The following DNAH5 variants were observed in gnomAD, a reference collection of about 807,000 sequenced individuals.
DNAH5 encodes dynein axonemal heavy chain 5.
A neutral mutation model predicts 518.2 loss-of-function variants in DNAH5; 372 were observed. The observed-to-expected ratio is 0.72, with a 90% CI of 0.66 to 0.78. DNAH5 has a LOEUF of 0.78. Ranked by LOEUF, DNAH5 falls within the 30% of genes least tolerant of loss-of-function variation. The pLI, the probability that DNAH5 is intolerant of heterozygous loss-of-function variation, is 0.00. For synonymous variants in DNAH5, 2,039 were observed against 2,025.9 expected, an observed-to-expected ratio of 1.01 and a Z score of -0.17; for missense variants, 5,523 against 5,687.0, an observed-to-expected ratio of 0.97 and a Z score of 0.93.
intron 65 of DNAH5, among the ~76,000 whole-genome samples, chr5:13,747,814 G>T (rs1461643882): frequency 2.4e-4 from 36 of 151,898 alleles, no homozygotes; most frequent in African/African-American, 8.0e-4. Context: ...TTGCAAAAAT[G>T]TTCTCCCATT....
In DNAH5 at chr5:13,966,091, T is replaced by C. The variant is rs144238568; in HGVS notation, c.13-34847A>G. Among the ~76,000 whole-genome samples the C allele has an allele frequency of 5.5e-3, 843 of 152,312 alleles. 3 individuals carry two copies. The highest frequency in any genetic ancestry group is 0.019 in the African/African-American group (806 of 41,566). ...AAGTGAGAACATACGATGTTTGGTT[T>C]TCCATTCCTGAGTTACTTCACTCTA... On this transcript the variant is annotated intron_variant, in intron 1 of 78. Transcript: ENST00000681290.
At chr5:13,956,232 T>C (rs1780753262) in intron 1 of DNAH5, among the ~76,000 whole-genome samples, 2 of 152,216 alleles carry the variant, frequency 1.3e-5, no homozygotes, top group South Asian at 4.1e-4. Flanking sequence ...ATCATTTTCA[T>C]ACTAAATAAT....
At chr5:13,845,953 C>G (rs1448213059) in intron 31 of DNAH5, among the ~76,000 whole-genome samples, 2 of 150,138 alleles carry the variant, frequency 1.3e-5, no homozygotes, top group Non-Finnish European at 3.0e-5. Context: ...GCTTCAGCCT[C>G]CGAAGTGGCT....
chr5:13,850,541 A>G (rs1361792473), intron 31 of DNAH5, 111 bp downstream of exon 31: 1 of 841,544 alleles, frequency 1.2e-6, no homozygotes, highest in Non-Finnish European at 2.0e-6. Flanking sequence ...ACAGCTTTAT[A>G]TATAAATTCA....
intron 1 of DNAH5, among the ~76,000 whole-genome samples, chr5:13,963,091 G>A (rs1043388040): frequency 3.3e-5 from 5 of 151,930 alleles, no homozygotes; most frequent in East Asian, 1.9e-4. Context: ...GCTTGGATCC[G>A]CTAGAGCTCC....
chr5:13,741,324 C>T (rs773602483), intron 65 of DNAH5, among the ~76,000 whole-genome samples: 1 of 152,202 alleles, frequency 6.6e-6, no homozygotes, highest in African/African-American at 2.4e-5. Context: ...TGCGGACATT[C>T]GAGGAAAGGA....
At chr5:13,727,995 T>C (rs1310239441) in intron 69 of DNAH5, among the ~76,000 whole-genome samples, 3 of 152,202 alleles carry the variant, frequency 2.0e-5, no homozygotes, top group Non-Finnish European at 4.4e-5. Context: ...AAGTCCGATT[T>C]GCTCCACAAA....
At chr5:13,909,758 T>C (rs1164034517) in intron 12 of DNAH5, among the ~76,000 whole-genome samples, 1 of 150,632 alleles carries the variant, frequency 6.6e-6, no homozygotes, top group Non-Finnish European at 1.5e-5. Flanking sequence ...TATGTGCTTA[T>C]ATTTTCATCA....
chr5:13,971,694 G>A (rs980933688), intron 1 of DNAH5, among the ~76,000 whole-genome samples: 3 of 152,194 alleles, frequency 2.0e-5, no homozygotes, highest in African/African-American at 7.2e-5. Context: ...GAGTGAAGTG[G>A]ATTCTGTGAG....
At chr5:13,858,128 T>C (rs898678387) in intron 30 of DNAH5, among the ~76,000 whole-genome samples, 4 of 152,154 alleles carry the variant, frequency 2.6e-5, no homozygotes, top group African/African-American at 4.8e-5. Context: ...CGTATGTTTA[T>C]TGCAACACTG....
intron 1 of DNAH5, among the ~76,000 whole-genome samples, chr5:13,993,965 A>T (rs1051846564): frequency 1.3e-5 from 2 of 152,202 alleles, no homozygotes; most frequent in Non-Finnish European, 2.9e-5. Context: ...GTGGCTTGTG[A>T]AGACAGCAGA....
At position 13,814,721 on chromosome 5, in the gene DNAH5, T is replaced by C; in HGVS notation, c.7114A>G (p.Asn2372Asp). ...ANGDRIPMAPNCKIIFEPHNI... is the reference protein window; with the variant it reads ...ANGDRIPMAPDCKIIFEPHNI... ...TGAGGCTCGAAAATGATCTTGCAGT[T>C]TGGAGCCATGGGAATCCGATCACCA... The change falls in exon 43 of 79, where the codon AAC becomes GAC. Residue 2372 changes from asparagine to aspartate, a missense_variant. Around this residue, in one of 3 missense-constraint regions of DNAH5, gnomAD observed 5,121 missense variants for 5,223.3 expected, o/e 0.98. Coordinates refer to ENST00000265104, the MANE Select transcript of DNAH5 (RefSeq NM_001369.3). 3 of 1,614,066 alleles carry C rather than the reference T, an allele frequency of 1.9e-6. No homozygotes were observed. Among genetic ancestry groups the C allele is most frequent in the Non-Finnish European group, 2.5e-6 (3 of 1,179,970 alleles).
chr5:13,865,802 C>G lies in DNAH5; in HGVS notation c.4221G>C (p.Lys1407Asn). 6.2e-7 allele frequency: 1 copy of G among 1,613,618 alleles called. No homozygotes were observed. The highest frequency in any genetic ancestry group is 8.5e-7 in the Non-Finnish European group (1 of 1,179,660). Residue 1407 changes from lysine (K) to asparagine (N), a missense_variant, in exon 27 of 79, where the codon AAG becomes AAC. Lys to Asn is a moderately conservative substitution (Grantham distance 94). Around this residue, in one of 3 missense-constraint regions of DNAH5, gnomAD observed 5,121 missense variants for 5,223.3 expected, o/e 0.98. Coordinates refer to ENST00000265104, the MANE Select transcript of DNAH5 (RefSeq NM_001369.3). ...TQYPQLLEIK[K>N]QLNLLQKIYT... ...ATATTTTCTGTAGAAGATTTAGTTG[C>G]TTCTTTATTTCAAGAAGCTGAGGAT...
At position 13,780,975 on chromosome 5, in the gene DNAH5, G is replaced by A. The variant is rs539860726; in HGVS notation, c.8821-16C>T. ...CACGAGAGATCTGTAATATGGAACA[G>A]AAAAAGTATGTATCTTTCAACATGT... is the stretch of plus-strand genomic sequence containing the variant. On this transcript the variant is annotated splice_polypyrimidine_tract_variant and intron_variant, in intron 52 of 78. Coordinates refer to ENST00000265104, the MANE Select transcript of DNAH5 (RefSeq NM_001369.3). 32 of 1,612,784 alleles carry A rather than the reference G, an allele frequency of 2.0e-5. No homozygotes were observed. The highest frequency in any genetic ancestry group is 1.7e-4 in the Middle Eastern group (1 of 6,046).
intron 44 of DNAH5, 148 bp from the exon 45 acceptor site, chr5:13,810,408 TGAA>T: frequency 1.3e-6 from 1 of 754,566 alleles, no homozygotes; most frequent in Non-Finnish European, 2.3e-6. Context: ...GGAGAACAAA[TGAA>T]GAACTGATCT....
chr5:13,718,828 A>C, intron 72 of DNAH5, 54 bp downstream of exon 72: 1 of 1,462,526 alleles, frequency 6.8e-7, no homozygotes, highest in Non-Finnish European at 9.6e-7. Context: ...TTTTTTTAGG[A>C]AAACAATTTA....
chr5:13,737,448 G>A lies in DNAH5; in HGVS notation c.11259C>T (p.Asn3753=). 1.2e-6 allele frequency: 2 copies of A among 1,613,990 alleles called. No homozygotes were observed. The highest frequency in any genetic ancestry group is 1.1e-5 in the South Asian group (1 of 91,086). Residue 3753 remains asparagine, a synonymous_variant, in exon 66 of 79, where the codon AAC becomes AAT. Transcript: ENST00000265104. ...RTHLMEDVTA[N]KRRMKELEDN... ...CTTCTAGTTCCTTCATCCTTCTTTT[G>A]TTTGCAGTTACATCTTCCATCAGAT...
At chr5:13,863,772 A>G (rs767263450) in intron 28 of DNAH5, among the ~76,000 whole-genome samples, 2 of 152,286 alleles carry the variant, frequency 1.3e-5, no homozygotes, top group South Asian at 4.1e-4. Context: ...CAACCTAACC[A>G]TGTCAGCCCC....
intron 76 of DNAH5, among the ~76,000 whole-genome samples, chr5:13,703,697 T>C (rs1394372921): frequency 3.3e-5 from 5 of 152,188 alleles, no homozygotes. Flanking sequence ...TTTCCTTCTA[T>C]GGGGAGAGAG....
Sources: allele counts gnomAD v4.1 joint callset (sites outside exome capture counted in the v4.1 genomes callset), GRCh38; gene constraint gnomAD v4.1.1; regional missense constraint gnomAD v4.1.1; transcripts MANE v1.5; gene names NCBI Gene and HGNC (gene_info 2026-07-23, HGNC 2026-07-21).